The following ELMOD1 variants were observed in gnomAD, a reference collection of about 807,000 sequenced individuals.
ELMOD1 encodes the protein ELMO domain-containing protein 1.
A neutral mutation model predicts 46.7 loss-of-function variants in ELMOD1; 21 were observed. The ratio of observed to expected loss-of-function variants is 0.45; its 90% CI spans 0.32 to 0.65. The LOEUF is 0.65. ELMOD1 is among the 30% of genes least tolerant of loss of function. The probability of loss-of-function intolerance (pLI) is 0.04; values close to 1 mark genes in which losing one functional copy is unlikely to be tolerated. For missense variants in ELMOD1, 348 were observed against 407.8 expected, an observed-to-expected ratio of 0.85 and a Z score of 1.26; for synonymous variants, 122 against 138.2, an observed-to-expected ratio of 0.88 and a Z score of 0.82.
intron 1 of ELMOD1, chr11:107,600,329 T>C (rs1196143272): frequency 1.3e-5 from 2 of 152,192 alleles, no homozygotes; most frequent in African/African-American, 4.8e-5. Context: ...ATTTAAGTTT[T>C]AAGCTACTTT....
intron 1 of ELMOD1, among the ~76,000 whole-genome samples, chr11:107,614,558 C>G (rs899253898): frequency 6.6e-6 from 1 of 152,102 alleles, no homozygotes; most frequent in Non-Finnish European, 1.5e-5. Flanking sequence ...AGGATGGTCT[C>G]GATCTCCTGA....
chr11:107,632,823 T>C (rs1210827623), intron 5 of ELMOD1, among the ~76,000 whole-genome samples: 1 of 152,190 alleles, frequency 6.6e-6, no homozygotes, highest in East Asian at 1.9e-4. Flanking sequence ...ATGAAAGTTA[T>C]ATAAGGTGCA....
chr11:107,597,875 T>C (rs980936977), intron 1 of ELMOD1, among the ~76,000 whole-genome samples: 1 of 152,196 alleles, frequency 6.6e-6, no homozygotes, highest in African/African-American at 2.4e-5. Flanking sequence ...AAAATGATGA[T>C]ATGTATTTTG....
At chr11:107,632,776 T>A (rs189688803) in intron 5 of ELMOD1, among the ~76,000 whole-genome samples, 5 of 152,330 alleles carry the variant, frequency 3.3e-5, no homozygotes. Context: ...GTAATCATGT[T>A]TAGAGACTGG....
At chr11:107,618,895 A>G (rs1437219667) in intron 2 of ELMOD1, among the ~76,000 whole-genome samples, 2 of 152,232 alleles carry the variant, frequency 1.3e-5, no homozygotes, top group African/African-American at 4.8e-5. Flanking sequence ...TTTGCATAAT[A>G]TTAAAATACG....
intron 1 of ELMOD1, among the ~76,000 whole-genome samples, chr11:107,595,121 T>C (rs1865470383): frequency 6.6e-6 from 1 of 151,404 alleles, no homozygotes; most frequent in East Asian, 2.0e-4. Flanking sequence ...TAATACAATG[T>C]CGTTCTAGAT....
At chr11:107,625,550 C>A (rs1866026852) in intron 2 of ELMOD1, 6 of 985,388 alleles carry the variant, frequency 6.1e-6, no homozygotes, top group Non-Finnish European at 6.0e-6. Context: ...CACCCCCTCA[C>A]CCCACAGGCA....
chr11:107,602,438 C>T (rs1220873609), intron 1 of ELMOD1, among the ~76,000 whole-genome samples: 2 of 152,122 alleles, frequency 1.3e-5, no homozygotes, highest in East Asian at 3.9e-4. Flanking sequence ...TTTTCTTTCT[C>T]TCTAGAATAT....
chr11:107,595,062 A>G (rs968024392), intron 1 of ELMOD1, among the ~76,000 whole-genome samples: 1 of 152,198 alleles, frequency 6.6e-6, no homozygotes, highest in Non-Finnish European at 1.5e-5. Flanking sequence ...CATGTAGAGA[A>G]CAGTTACTCA....
chr11:107,649,991 C>T (rs377024134), intron 7 of ELMOD1, among the ~76,000 whole-genome samples: 21 of 152,192 alleles, frequency 1.4e-4, no homozygotes, highest in African/African-American at 3.1e-4. Flanking sequence ...CTTCTGCCTT[C>T]TGAAGGCCTC....
intron 5 of ELMOD1, among the ~76,000 whole-genome samples, 170 bp from the exon 6 acceptor site, chr11:107,635,466 A>G (rs1016940838): frequency 7.2e-5 from 11 of 152,178 alleles, no homozygotes; most frequent in African/African-American, 2.7e-4. Flanking sequence ...ACAGTTGTCC[A>G]TGTGGAGATT....
intron 6 of ELMOD1, among the ~76,000 whole-genome samples, chr11:107,640,456 C>T (rs928694646): frequency 1.3e-5 from 2 of 152,086 alleles, no homozygotes; most frequent in African/African-American, 4.8e-5. Context: ...CTGCTGGGCA[C>T]TGTTCAAAGC....
At chr11:107,642,326 G>T (rs1866339272) in intron 6 of ELMOD1, among the ~76,000 whole-genome samples, 1 of 151,880 alleles carries the variant, frequency 6.6e-6, no homozygotes, top group African/African-American at 2.4e-5. Context: ...CAAACTGTAA[G>T]TTCTTTTATT....
At chr11:107,592,427 T>C (rs1479241460) in intron 1 of ELMOD1, 3 of 534,532 alleles carry the variant, frequency 5.6e-6, no homozygotes, top group Non-Finnish European at 1.2e-5. Flanking sequence ...GTTCTGCATC[T>C]CTGCAATGTA....
chr11:107,629,663 G>A (rs1374732244), intron 2 of ELMOD1, among the ~76,000 whole-genome samples: 1 of 152,192 alleles, frequency 6.6e-6, no homozygotes. Context: ...GTGAGGTAGG[G>A]TGTACAGTAA....
chr11:107,639,582 A>G (rs1252735739), intron 6 of ELMOD1, among the ~76,000 whole-genome samples: 1 of 152,160 alleles, frequency 6.6e-6, no homozygotes, highest in African/African-American at 2.4e-5. Context: ...GGGCAGATGA[A>G]TCGCCTTCCC....
chr11:107,600,274 A>C (rs571705796), intron 1 of ELMOD1: 19 of 143,344 alleles, frequency 1.3e-4, no homozygotes, highest in African/African-American at 3.7e-4. Context: ...CCTGGAAAAA[A>C]ATTTATAATT....
intron 6 of ELMOD1, chr11:107,642,952 C>T (rs1866351969): frequency 6.1e-6 from 2 of 329,244 alleles, no homozygotes; most frequent in Non-Finnish European, 1.2e-5. Context: ...ATCAGGTTAT[C>T]CTTGGACATC....
Position 107,665,410 on chromosome 11 carries a change from T to C in ELMOD1, c.*213T>C, listed in dbSNP as rs1866825738. 2 of 531,804 alleles carry C rather than the reference T, an allele frequency of 3.8e-6. No individual in the cohort carries two copies. Among genetic ancestry groups the C allele is most frequent in the Non-Finnish European group, 6.5e-6 (2 of 305,978 alleles). 32.9% of individuals were successfully genotyped at this position (531,804 alleles called of 1,614,324 possible). A position where few individuals can be genotyped will look rare whatever the true frequency, so the allele number is the denominator to read the frequency against. On this transcript the variant is annotated 3_prime_UTR_variant, in exon 12 of 12. Coordinates refer to ENST00000265840, the MANE Select transcript of ELMOD1 (RefSeq NM_018712.4). ...TCCAGTGACTGCTCATATTGTGGCA[T>C]TATGCAGTGTTACATCTTGCCTTGA...
Sources: allele counts gnomAD v4.1 joint callset (sites outside exome capture counted in the v4.1 genomes callset), GRCh38; gene constraint gnomAD v4.1.1; transcripts MANE v1.5; gene names NCBI Gene and HGNC (gene_info 2026-07-23, HGNC 2026-07-21).